DEAF1: variants seen among roughly 807,000 people sequenced by gnomAD.
DEAF1 encodes the protein DEAF1 transcription factor, also known as deformed epidermal autoregulatory factor 1 homolog.
Under a neutral mutation model 58.9 loss-of-function variants are expected in DEAF1, and 53 were observed. That is an observed-to-expected ratio of 0.90 (90% CI 0.72 to 1.13). The LOEUF is 1.13. DEAF1 is among the 50% of genes most tolerant of loss of function. The pLI is 0.00. For missense variants in DEAF1, 685 were observed against 791.4 expected (o/e 0.87, Z 1.61); for synonymous variants, 385 against 340.4 (o/e 1.13, Z -1.44).
chr11:671,848 AAG>A (rs750783072), intron 10 of DEAF1, among the ~76,000 whole-genome samples: 12,396 of 63,752 alleles, frequency 0.19, 905 homozygotes, highest in East Asian at 0.37. Context: ...AAAAAAAAAA[AAG>A]AAACACAAAA....
intron 1 of DEAF1, chr11:700,788 T>G: frequency 1.5e-6 from 2 of 1,310,342 alleles, no homozygotes; most frequent in Non-Finnish European, 2.2e-6. Flanking sequence ...GTAATTATTT[T>G]ATAGTGTGGT....
At chr11:672,914 T>C (rs557868092) in intron 10 of DEAF1, among the ~76,000 whole-genome samples, 21 of 152,054 alleles carry the variant, frequency 1.4e-4, no homozygotes, top group African/African-American at 4.8e-4. Context: ...TTTAAGACGC[T>C]CAGGCGGGTA....
chr11:703,120 G>T, intron 1 of DEAF1: 1 of 1,609,336 alleles, frequency 6.2e-7, no homozygotes, highest in Non-Finnish European at 8.5e-7. Context: ...CCGTCCTGCA[G>T]GTGGTTGCCA....
At chr11:674,442 A>G (rs992684054) in intron 10 of DEAF1, 94 bp downstream of exon 10, 14 of 1,567,030 alleles carry the variant, frequency 8.9e-6, no homozygotes, top group Admixed American at 3.4e-5. Context: ...GGGCCTTGTG[A>G]GCCAAGGTGG....
At chr11:685,828 C>A (rs866392848) in intron 5 of DEAF1, among the ~76,000 whole-genome samples, 4 of 151,458 alleles carry the variant, frequency 2.6e-5, no homozygotes, top group Admixed American at 6.6e-5. Flanking sequence ...CCAACCTGAC[C>A]AACATGGTTG....
At chr11:670,496 C>T (rs1026166244) in intron 10 of DEAF1, among the ~76,000 whole-genome samples, 1 of 150,836 alleles carries the variant, frequency 6.6e-6, no homozygotes, top group South Asian at 2.1e-4. Context: ...AAGTAGATCA[C>T]TTGAGGCCTG....
chr11:695,155 G>A lies in DEAF1; in HGVS notation c.-108C>T. The A allele has an allele frequency of 3.9e-6, 4 of 1,016,912 alleles. No individual in the cohort carries two copies. The highest frequency in any genetic ancestry group is 5.2e-6 in the Non-Finnish European group (4 of 769,412). The allele number at this position is 1,016,912 out of a possible 1,614,324, so 63.0% of individuals were successfully genotyped here. On this transcript the variant is annotated 5_prime_UTR_variant, in exon 1 of 12. Transcript: ENST00000382409. ...AGGACGCCCGAGCTGGGCCGAGGCC[G>A]CCCGAAGCCGCCGCCCGAATAGGGA...
chr11:691,382 C>T, intron 2 of DEAF1, 119 bp downstream of exon 2: 2 of 929,712 alleles, frequency 2.2e-6, no homozygotes, highest in Non-Finnish European at 3.4e-6. Flanking sequence ...GTGCGTCCCT[C>T]CCCAGCTCAC....
upstream of DEAF1, chr11:695,509 G>A (rs568522127): frequency 5.2e-5 from 50 of 968,038 alleles, no homozygotes; most frequent in African/African-American, 6.8e-4. Context: ...CTGCCTCTCA[G>A]AGAGAGCTTA....
intron 1 of DEAF1, chr11:703,658 G>C: frequency 1.6e-6 from 2 of 1,232,644 alleles, no homozygotes; most frequent in South Asian, 8.2e-5. Context: ...TAGGCCTTGT[G>C]CTCTGAGCAA....
intron 6 of DEAF1, among the ~76,000 whole-genome samples, chr11:683,618 C>T (rs1860464747): frequency 6.6e-6 from 1 of 150,738 alleles, no homozygotes; most frequent in Admixed American, 6.7e-5. Flanking sequence ...TTTCCTTTAC[C>T]TTTCTATGCA....
At chr11:650,723 G>T (rs925578348) in intron 11 of DEAF1, among the ~76,000 whole-genome samples, 1 of 151,810 alleles carries the variant, frequency 6.6e-6, no homozygotes, top group African/African-American at 2.4e-5. Flanking sequence ...GAGGCCAAGC[G>T]GGGGTGGAAC....
intron 10 of DEAF1, among the ~76,000 whole-genome samples, chr11:659,497 GC>G (rs1457331004): frequency 6.6e-6 from 1 of 152,228 alleles, no homozygotes; most frequent in African/African-American, 2.4e-5. Flanking sequence ...TACAAGGAGT[GC>G]TTTCTTTATG....
intron 8 of DEAF1, 52 bp from the exon 9 acceptor site, chr11:678,874 G>A: frequency 6.2e-7 from 1 of 1,609,416 alleles, no homozygotes; most frequent in Non-Finnish European, 8.5e-7. Context: ...CCGCACAGCA[G>A]ACTCTAAATA....
intron 10 of DEAF1, among the ~76,000 whole-genome samples, chr11:656,290 G>A (rs1414032671): frequency 6.6e-6 from 1 of 152,028 alleles, no homozygotes; most frequent in Non-Finnish European, 1.5e-5. Flanking sequence ...CAAGTAGCTG[G>A]GATTATAGGC....
At chr11:699,140 G>A (rs1861332657), upstream of DEAF1, 1 of 500,678 alleles carries the variant, frequency 2.0e-6, no homozygotes, top group Non-Finnish European at 3.6e-6. Context: ...CCAAGGCGAT[G>A]GCCACCTGCC....
Position 688,324 on chromosome 11 carries a change from G to T in DEAF1, c.517+7C>A, listed in dbSNP as rs373778878. On this transcript the variant is annotated splice_region_variant and intron_variant, in intron 3 of 11. Coordinates refer to ENST00000382409, the MANE Select transcript of DEAF1 (RefSeq NM_021008.4). The surrounding 1 kb of genome is among the most constrained non-coding windows in gnomAD (Gnocchi z 4.3). Reference sequence around the variant, plus strand: ...GCCCGAGGCCTGGGGTGCAGGCACCGCTGTACCTGGGGTGAGGGGAGCTGC... The same window carrying T: ...GCCCGAGGCCTGGGGTGCAGGCACCTCTGTACCTGGGGTGAGGGGAGCTGC... The T allele has an allele frequency of 6.2e-7, 1 of 1,613,208 alleles. No individual in the cohort carries two copies. The highest frequency in any genetic ancestry group is 8.5e-7 in the Non-Finnish European group (1 of 1,179,850).
intron 10 of DEAF1, chr11:654,572 A>G (rs1175374679): frequency 2.2e-6 from 1 of 455,120 alleles, no homozygotes; most frequent in South Asian, 1.5e-5. Flanking sequence ...CCCTACATTC[A>G]TTCACTGGAA....
At chr11:691,733 TC>T in intron 1 of DEAF1, 135 bp from the exon 2 acceptor site, 2 of 733,466 alleles carry the variant, frequency 2.7e-6, no homozygotes, top group Non-Finnish European at 4.8e-6. Context: ...TCTTAACACT[TC>T]CATGAACACG....
Sources: gnomAD v4.1 joint callset for allele counts (sites outside exome capture counted in the v4.1 genomes callset) on GRCh38, gnomAD v4.1.1 for gene constraint, Gnocchi (gnomAD v3.1) non-coding constraint, MANE v1.5 for transcripts, NCBI Gene and HGNC (gene_info 2026-07-23, HGNC 2026-07-21) for gene names.